Variants in COL25A1 observed in about 807,000 individuals in gnomAD.
COL25A1 encodes the protein collagen type XXV alpha 1 chain.
COL25A1 carries 103 observed loss-of-function variants against 128.4 expected under a neutral mutation model. The observed-to-expected ratio is 0.80, with a 90% CI of 0.68 to 0.94. The LOEUF is 0.94. Ranked by LOEUF, COL25A1 falls within the 40% of genes least tolerant of loss-of-function variation. The probability of loss-of-function intolerance (pLI) is 0.00; values close to 1 mark genes in which losing one functional copy is unlikely to be tolerated. For missense variants in COL25A1, 745 were observed against 840.0 expected (o/e 0.89, Z 1.40); for synonymous variants, 279 against 277.2 (o/e 1.01, Z -0.06).
At chr4:108,978,002 AG>A (rs1239378174) in intron 6 of COL25A1, among the ~76,000 whole-genome samples, 1 of 152,218 alleles carries the variant, frequency 6.6e-6, no homozygotes, top group African/African-American at 2.4e-5. Context: ...TTAAGGACAA[AG>A]TTTTTGTGAA....
At chr4:109,139,979 G>C (rs1012122207) in intron 3 of COL25A1, among the ~76,000 whole-genome samples, 4 of 151,998 alleles carry the variant, frequency 2.6e-5, no homozygotes, top group Non-Finnish European at 5.9e-5. Flanking sequence ...CAGCTTCATC[G>C]ATGTCCCTAC....
chr4:108,867,193 C>G (rs183803889), intron 20 of COL25A1, among the ~76,000 whole-genome samples: 1 of 152,214 alleles, frequency 6.6e-6, no homozygotes, highest in Admixed American at 6.5e-5. Flanking sequence ...TTTCTATTTT[C>G]CCTTGCACAG....
intron 3 of COL25A1, among the ~76,000 whole-genome samples, chr4:109,069,764 G>A (rs1762757561): frequency 6.6e-6 from 1 of 152,024 alleles, no homozygotes; most frequent in African/African-American, 2.4e-5. Context: ...TTCTTTTCCT[G>A]GAGAAAATCA....
chr4:109,086,986 C>T (rs1764452192), intron 3 of COL25A1, among the ~76,000 whole-genome samples: 1 of 152,146 alleles, frequency 6.6e-6, no homozygotes, highest in African/African-American at 2.4e-5. Flanking sequence ...AAAGGGTCAA[C>T]AGACAGTGAA....
intron 3 of COL25A1, among the ~76,000 whole-genome samples, chr4:109,060,915 T>A (rs1215890504): frequency 6.6e-6 from 1 of 152,202 alleles, no homozygotes; most frequent in Non-Finnish European, 1.5e-5. Flanking sequence ...ATGCTATAGT[T>A]TGGGTCCATA....
In COL25A1 at chr4:108,862,543, C is replaced by A. The variant is rs747653646; in HGVS notation, c.1155G>T (p.Gly385=). The A allele has an allele frequency of 5.7e-5, 92 of 1,610,646 alleles. No homozygotes were observed. The highest frequency in any genetic ancestry group is 1.3e-4 in the Admixed American group (8 of 59,958). The change falls in exon 22 of 38, where the codon GGG becomes GGT. Residue 385 remains glycine, a splice_region_variant and synonymous_variant. Transcript: ENST00000399132. The stretch of plus-strand genomic sequence containing the variant: ...CTCTAGTTCCTGATTCACCTTGTTT[C>A]CCCTATTACAGCAGAATAAGAGGAT... The part of the protein sequence containing the change: ...RGEPGAPGPK[G]KQGESGTRGP...
At chr4:109,206,757 A>C (rs569310874) in intron 3 of COL25A1, among the ~76,000 whole-genome samples, 1 of 152,318 alleles carries the variant, frequency 6.6e-6, no homozygotes, top group East Asian at 1.9e-4. Context: ...AACCCATTTC[A>C]GTCAACTTCA....
At chr4:109,248,640 T>C (rs1267286869) in intron 3 of COL25A1, among the ~76,000 whole-genome samples, 1 of 152,124 alleles carries the variant, frequency 6.6e-6, no homozygotes, top group Non-Finnish European at 1.5e-5. Context: ...GCCAAAGCAC[T>C]AGTACTTCGC....
intron 3 of COL25A1, among the ~76,000 whole-genome samples, chr4:109,221,700 C>A (rs759224303): frequency 8.5e-5 from 13 of 152,096 alleles, no homozygotes; most frequent in Non-Finnish European, 1.6e-4. Context: ...AGTTAAGTGA[C>A]CCAATTTACA....
intron 8 of COL25A1, among the ~76,000 whole-genome samples, chr4:108,957,024 T>C (rs1578886275): frequency 6.6e-6 from 1 of 152,202 alleles, no homozygotes; most frequent in African/African-American, 2.4e-5. Flanking sequence ...AGTAAATTTA[T>C]ACATTAATAT....
chr4:108,934,975 C>G (rs962766382), intron 11 of COL25A1, among the ~76,000 whole-genome samples: 4 of 152,104 alleles, frequency 2.6e-5, no homozygotes, highest in African/African-American at 9.7e-5. Context: ...CTTTGGCAAC[C>G]TTTTAAGGCA....
intron 3 of COL25A1, among the ~76,000 whole-genome samples, chr4:109,270,947 T>G (rs1782153518): frequency 2.0e-5 from 3 of 152,202 alleles, no homozygotes. Context: ...TTATTTCTAA[T>G]TCTTAACAGA....
At chr4:109,092,398 T>C (rs895503014) in intron 3 of COL25A1, among the ~76,000 whole-genome samples, 7 of 152,162 alleles carry the variant, frequency 4.6e-5, no homozygotes, top group Non-Finnish European at 7.3e-5. Flanking sequence ...GGTGAGAGGA[T>C]TGCTTGAGCC....
chr4:108,956,439 C>T (rs938593908), intron 8 of COL25A1, among the ~76,000 whole-genome samples: 2 of 152,158 alleles, frequency 1.3e-5, no homozygotes, highest in African/African-American at 4.8e-5. Context: ...GAATTTTGCT[C>T]TTACCTCCCA....
chr4:109,119,651 C>A (rs950599108), intron 3 of COL25A1, among the ~76,000 whole-genome samples: 1 of 152,148 alleles, frequency 6.6e-6, no homozygotes, highest in South Asian at 2.1e-4. Flanking sequence ...AATTAACACT[C>A]TTCCAAAACA....
At chr4:109,250,618 A>G (rs1163741154) in intron 3 of COL25A1, among the ~76,000 whole-genome samples, 1 of 152,226 alleles carries the variant, frequency 6.6e-6, no homozygotes, top group Non-Finnish European at 1.5e-5. Context: ...TTTATGACAG[A>G]GAAAGCAAAT....
At chr4:108,937,576 T>A (rs540961895) in intron 11 of COL25A1, among the ~76,000 whole-genome samples, 1 of 113,802 alleles carries the variant, frequency 8.8e-6, no homozygotes, top group South Asian at 5.3e-4. Flanking sequence ...ACCTGCAGCA[T>A]CTCTGTCGCT....
intron 16 of COL25A1, 44 bp from the exon 17 acceptor site, chr4:108,889,777 T>C: frequency 6.4e-7 from 1 of 1,573,260 alleles, no homozygotes; most frequent in Non-Finnish European, 8.7e-7. Flanking sequence ...GTTATGGGAA[T>C]AGGAAACATC....
chr4:109,116,751 G>T (rs1767606979), intron 3 of COL25A1, among the ~76,000 whole-genome samples: 1 of 151,916 alleles, frequency 6.6e-6, no homozygotes. Context: ...GGGCTTTAAA[G>T]GTAAAAGTAT....
Sources: gnomAD v4.1 joint callset for allele counts (sites outside exome capture counted in the v4.1 genomes callset) on GRCh38, gnomAD v4.1.1 for gene constraint, MANE v1.5 for transcripts, NCBI Gene and HGNC (gene_info 2026-07-23, HGNC 2026-07-21) for gene names.